The following NAA16 variants were observed in gnomAD, a reference collection of about 807,000 sequenced individuals.
NAA16 encodes the protein N-alpha-acetyltransferase 16, NatA auxiliary subunit.
NAA16 carries 97 observed loss-of-function variants against 110.3 expected under a neutral mutation model. The ratio of observed to expected loss-of-function variants is 0.88; its 90% confidence interval spans 0.75 to 1.04. NAA16 has a LOEUF of 1.04. Ranked by LOEUF, NAA16 falls within the 50% of genes least tolerant of loss-of-function variation. The probability of loss-of-function intolerance (pLI) is 0.00; values close to 1 mark genes in which losing one functional copy is unlikely to be tolerated. For missense variants in NAA16, 1,017 were observed against 1,005.1 expected (o/e 1.01, Z -0.16); for synonymous variants, 372 against 330.6 (o/e 1.13, Z -1.36).
chr13:41,323,419 C>T (rs922711125), intron 5 of NAA16, among the ~76,000 whole-genome samples: 70 of 150,756 alleles, frequency 4.6e-4, no homozygotes, highest in Non-Finnish European at 9.9e-4. Context: ...GGCACGATCT[C>T]GGCTTGCTGC....
At chr13:41,319,754 T>G (rs943334351) in intron 3 of NAA16, among the ~76,000 whole-genome samples, 2 of 151,936 alleles carry the variant, frequency 1.3e-5, no homozygotes, top group African/African-American at 2.4e-5. Context: ...TGACCTCAGG[T>G]GATCCACCCT....
At chr13:41,346,878 A>C (rs1234153730) in intron 9 of NAA16, among the ~76,000 whole-genome samples, 2 of 152,188 alleles carry the variant, frequency 1.3e-5, no homozygotes, top group Non-Finnish European at 2.9e-5. Flanking sequence ...CATCTGTGCC[A>C]GTGCCATACT....
rs994815387 is a variant in NAA16 at position 41,322,115 on chromosome 13, A to G, written c.403-941A>G. ...AAGTTAAAAGAGAGCTAGGCTTGGT[A>G]TTACGTGTCTTAGTCCTGGCTACTT... On this transcript the variant is annotated intron_variant, in intron 4 of 19. Transcript: ENST00000379406. Among the ~76,000 whole-genome samples, 6 of 152,120 alleles carry G rather than the reference A, an allele frequency of 3.9e-5. No homozygotes were observed. The East Asian group carries it at 5.8e-4, about 15-fold the overall frequency.
chr13:41,343,631 G>C (rs2042610717), intron 9 of NAA16, among the ~76,000 whole-genome samples: 1 of 152,214 alleles, frequency 6.6e-6, no homozygotes, highest in Non-Finnish European at 1.5e-5. Context: ...CTGGGTTCAA[G>C]TGATTCTCCT....
intron 9 of NAA16, among the ~76,000 whole-genome samples, chr13:41,340,711 A>G (rs1593463081): frequency 8.9e-6 from 1 of 112,180 alleles, no homozygotes; most frequent in South Asian, 3.2e-4. Flanking sequence ...AGTCTCTCTC[A>G]TTGCGCCCAG....
chr13:41,335,096 AAAG>A (rs2042344781), intron 8 of NAA16, among the ~76,000 whole-genome samples: 9 of 152,230 alleles, frequency 5.9e-5, no homozygotes, highest in Non-Finnish European at 1.3e-4. Context: ...ATAGACTGAG[AAAG>A]TTGACCAAGG....
intron 9 of NAA16, among the ~76,000 whole-genome samples, chr13:41,338,982 A>AG (rs1481803705): frequency 1.3e-5 from 2 of 152,186 alleles, no homozygotes; most frequent in Non-Finnish European, 2.9e-5. Flanking sequence ...GATTTCAAGG[A>AG]GGTGAAGTAT....
chr13:41,330,390 C>A (rs1442073825), intron 7 of NAA16, among the ~76,000 whole-genome samples: 2 of 151,836 alleles, frequency 1.3e-5, no homozygotes, highest in South Asian at 4.1e-4. Flanking sequence ...ACAGAGATAC[C>A]TTGTCTGCTA....
chr13:41,318,753 T>C (rs2041871780), intron 2 of NAA16, 53 bp from the exon 3 acceptor site: 2 of 946,200 alleles, frequency 2.1e-6, no homozygotes, highest in Middle Eastern at 5.1e-4. Flanking sequence ...ATTAAGAGAA[T>C]AAGAGAATAA....
In NAA16 at chr13:41,369,094, C is replaced by T. The variant is rs759578787; in HGVS notation, c.1758C>T (p.Asn586=). Residue 586 remains asparagine (N), a synonymous_variant, in exon 15 of 20, where the codon AAC becomes AAT. Coordinates refer to ENST00000379406, the MANE Select transcript of NAA16 (RefSeq NM_024561.5). ...ESKQQEINSE[N]LSAKELKKML... is the part of the protein sequence containing the mutation. ...TGTTCATTTGGATATTTATAGAAAACTTGTCAGCCAAAGAATTGAAGAAAA... is the reference window on the plus strand; with the variant it reads ...TGTTCATTTGGATATTTATAGAAAATTTGTCAGCCAAAGAATTGAAGAAAA... 1.3e-6 allele frequency: 2 copies of T among 1,556,044 alleles called. No homozygotes were observed. The highest frequency in any genetic ancestry group is 4.5e-5 in the Admixed American group (2 of 44,082).
At chr13:41,352,907 G>T (rs1390781767) in intron 9 of NAA16, among the ~76,000 whole-genome samples, 1 of 151,972 alleles carries the variant, frequency 6.6e-6, no homozygotes, top group African/African-American at 2.4e-5. Flanking sequence ...ACCCTTTATT[G>T]TTAAAACTGA....
intron 9 of NAA16, among the ~76,000 whole-genome samples, chr13:41,354,810 ATTTCACT>A (rs1413892476): frequency 1.3e-5 from 2 of 150,338 alleles, no homozygotes; most frequent in African/African-American, 4.9e-5. Flanking sequence ...ACCTTGAATC[ATTTCACT>A]TTTTTGCAAT....
chr13:41,320,520 C>A, intron 3 of NAA16, 147 bp from the exon 4 acceptor site: 2 of 694,342 alleles, frequency 2.9e-6, no homozygotes, highest in African/African-American at 1.9e-5. Flanking sequence ...TCTTTAACTT[C>A]CCCTCACCAT....
At chr13:41,355,097 C>A in intron 9 of NAA16, 47 bp from the exon 10 acceptor site, 3 of 1,182,800 alleles carry the variant, frequency 2.5e-6, no homozygotes, top group Non-Finnish European at 3.7e-6. Flanking sequence ...GGTAAAAATA[C>A]CTTCAAGAAG....
intron 8 of NAA16, among the ~76,000 whole-genome samples, chr13:41,332,179 G>A (rs2042256968): frequency 1.3e-5 from 2 of 152,052 alleles, no homozygotes; most frequent in Admixed American, 1.3e-4. Flanking sequence ...TGAAGTTTTT[G>A]TCTTCTTTTT....
intron 3 of NAA16, 48 bp from the exon 4 acceptor site, chr13:41,320,617 CAT>C (rs1593413264): frequency 6.8e-7 from 1 of 1,468,332 alleles, no homozygotes; most frequent in South Asian, 1.4e-5. Context: ...AGATATGTAT[CAT>C]AGAATATTCT....
intron 5 of NAA16, among the ~76,000 whole-genome samples, chr13:41,324,854 A>G (rs2042047116): frequency 1.3e-5 from 2 of 150,782 alleles, no homozygotes; most frequent in Admixed American, 1.3e-4. Flanking sequence ...GACTACAGGT[A>G]TACCACTGTG....
intron 9 of NAA16, among the ~76,000 whole-genome samples, chr13:41,348,095 T>G (rs2042731291): frequency 6.6e-6 from 1 of 152,304 alleles, no homozygotes. Context: ...AAGATGATTA[T>G]GTAGGTTTTT....
At chr13:41,358,231 G>A (rs1593509384) in intron 10 of NAA16, 73 bp from the exon 11 acceptor site, 1 of 1,280,862 alleles carries the variant, frequency 7.8e-7, no homozygotes, top group Non-Finnish European at 1.1e-6. Flanking sequence ...ATTTCATTAT[G>A]AATTAGGAGA....
Sources: allele counts gnomAD v4.1 joint callset (sites outside exome capture counted in the v4.1 genomes callset), GRCh38; gene constraint gnomAD v4.1.1; transcripts MANE v1.5; gene names NCBI Gene and HGNC (gene_info 2026-07-23, HGNC 2026-07-21).